The following SGCG variants were observed in gnomAD, a reference collection of about 807,000 sequenced individuals.
The protein encoded by SGCG is sarcoglycan gamma.
In SGCG, 26 loss-of-function variants were observed where a neutral mutation model predicts 29.3. The ratio of observed to expected loss-of-function variants is 0.89; its 90% CI spans 0.65 to 1.23. SGCG has a LOEUF of 1.23. SGCG is among the 50% of genes most tolerant of loss of function. SGCG has a pLI of 0.00. For missense variants in SGCG, 353 were observed against 356.0 expected (o/e 0.99, Z 0.07); for synonymous variants, 145 against 129.7 (o/e 1.12, Z -0.80).
intron 4 of SGCG, among the ~76,000 whole-genome samples, chr13:23,262,830 A>C (rs1880496448): frequency 6.6e-6 from 1 of 152,062 alleles, no homozygotes; most frequent in Non-Finnish European, 1.5e-5. Context: ...GCAAAATAAA[A>C]CTGGAGATAA....
chr13:23,161,137 C>A, the SGCG span, among the ~76,000 whole-genome samples: 1 of 152,168 alleles, frequency 6.6e-6, no homozygotes, highest in Admixed American at 6.5e-5. Context: ...TAGAGGGGAA[C>A]TGAAGCGCAG....
rs532172508 is a variant in SGCG at position 23,286,066 on chromosome 13, A to G, written c.505+6588A>G. Among the ~76,000 whole-genome samples the G allele has an allele frequency of 7.2e-5, 11 of 152,320 alleles. No homozygotes were observed. The South Asian group carries it at 2.3e-3, about 32-fold the overall frequency. On this transcript the variant is annotated intron_variant, in intron 5 of 7. Transcript: ENST00000218867. Reference sequence around the variant, plus strand: ...GCTGTTCCTGTTTGGCCATCTTGCCAGACACCACCAACCAACAATGGGTAA... The same window carrying G: ...GCTGTTCCTGTTTGGCCATCTTGCCGGACACCACCAACCAACAATGGGTAA...
chr13:23,322,029 T>A (rs1243981417), intron 7 of SGCG, among the ~76,000 whole-genome samples: 1 of 152,246 alleles, frequency 6.6e-6, no homozygotes, highest in East Asian at 1.9e-4. Flanking sequence ...AATTGTATGA[T>A]GCCATATTTA....
intron 6 of SGCG, among the ~76,000 whole-genome samples, chr13:23,319,299 C>CAA (rs5802229): frequency 9.1e-4 from 121 of 132,742 alleles, no homozygotes; most frequent in East Asian, 6.0e-3. Flanking sequence ...GACTCCGTCT[C>CAA]AAAAAAAAAA....
chr13:23,214,261 G>A (rs916410175), intron 2 of SGCG, among the ~76,000 whole-genome samples: 1 of 152,094 alleles, frequency 6.6e-6, no homozygotes, highest in African/African-American at 2.4e-5. Flanking sequence ...AAAACCCCTA[G>A]TTTTAGTTGA....
chr13:23,198,015 A>G (rs2137491520), intron 1 of SGCG, among the ~76,000 whole-genome samples: 1 of 152,380 alleles, frequency 6.6e-6, no homozygotes. Context: ...TGTTGAAAGC[A>G]AAGTGGTGGA....
chr13:23,210,138 T>G (rs1252834630), intron 2 of SGCG, among the ~76,000 whole-genome samples: 1 of 152,244 alleles, frequency 6.6e-6, no homozygotes, highest in African/African-American at 2.4e-5. Flanking sequence ...TAGCCTAATC[T>G]AATCATGTAT....
rs181743358 is a variant in SGCG at position 23,261,726 on chromosome 13, G to A, written c.385+11009G>A. ...AGTCATCAAGCTATCTGAAGTCAAT[G>A]TGAAGGAAAACATTCTAAGTGCAGT... On this transcript the variant is annotated intron_variant, in intron 4 of 7. Transcript: ENST00000218867. Among the ~76,000 whole-genome samples, 888 of 152,012 alleles carry A rather than the reference G, an allele frequency of 5.8e-3. 11 individuals carry two copies. The highest frequency in any genetic ancestry group is 0.02 in the African/African-American group (837 of 41,540).
In SGCG at chr13:23,266,271, C is replaced by CA. The variant is rs56910680; in HGVS notation, c.386-13075dup. On this transcript the variant is annotated intron_variant, in intron 4 of 7. Coordinates refer to ENST00000218867, the MANE Select transcript of SGCG (RefSeq NM_000231.3). ...TGGGCAACAGAGCAAGACTCTGTCT[C>CA]AAAAAAAAAAAAAGTGCTATATCAC... 1.2e-3 allele frequency among the ~76,000 whole-genome samples: 154 copies of CA among 126,014 alleles called. 1 individual carries two copies. Among genetic ancestry groups the CA allele is most frequent in the East Asian group, 6.1e-3 (26 of 4,266 alleles). 82.7% of individuals were successfully genotyped at this position (126,014 alleles called of 152,430 possible). A position where few individuals can be genotyped will look rare whatever the true frequency, so the allele number is the denominator to read the frequency against.
chr13:23,279,356 C>T lies in SGCG; in HGVS notation c.386-3C>T. 6.2e-7 allele frequency: 1 copy of T among 1,612,244 alleles called. No individual in the cohort carries two copies. Among genetic ancestry groups the T allele is most frequent in the Non-Finnish European group, 8.5e-7 (1 of 1,178,844 alleles). On this transcript the variant is annotated splice_region_variant and splice_polypyrimidine_tract_variant and intron_variant, in intron 4 of 7. Transcript: ENST00000218867. ...TTTATAATAAACTGTTTTAATTCTT[C>T]AGGTCCCAAAATGGTAGAAGTCCAG...
intron 2 of SGCG, among the ~76,000 whole-genome samples, chr13:23,205,296 C>T (rs1877943563): frequency 6.6e-6 from 1 of 152,098 alleles, no homozygotes; most frequent in Non-Finnish European, 1.5e-5. Context: ...ATGTAAAATA[C>T]TCTAACATTT....
intron 5 of SGCG, among the ~76,000 whole-genome samples, chr13:23,282,802 G>A (rs1356281321): frequency 6.6e-6 from 1 of 152,168 alleles, no homozygotes; most frequent in Non-Finnish European, 1.5e-5. Context: ...TGTTTTTGGT[G>A]GAGGTTGGGG....
At chr13:23,162,527 G>C in the SGCG span, among the ~76,000 whole-genome samples, 1,485 of 152,336 alleles carry the variant, frequency 9.7e-3, 9 homozygotes, top group Non-Finnish European at 0.015. Context: ...TCCGGAGGCT[G>C]AGGCAGAAGA....
the SGCG span, among the ~76,000 whole-genome samples, chr13:23,172,565 T>A: frequency 1.3e-5 from 2 of 152,248 alleles, no homozygotes; most frequent in East Asian, 3.8e-4. Context: ...ATTGTATTGC[T>A]AACCATATTA....
chr13:23,316,221 T>G (rs1882804077), intron 6 of SGCG, among the ~76,000 whole-genome samples: 3 of 152,188 alleles, frequency 2.0e-5, no homozygotes, highest in Non-Finnish European at 2.9e-5. Context: ...TCTTCCATCA[T>G]GGGAAGGGCA....
intron 6 of SGCG, among the ~76,000 whole-genome samples, chr13:23,298,046 A>G (rs1434396982): frequency 6.6e-6 from 1 of 150,948 alleles, no homozygotes; most frequent in Non-Finnish European, 1.5e-5. Context: ...CGGCCAGCCA[A>G]CAATCACTTT....
At chr13:23,274,491 C>T (rs763545383) in intron 4 of SGCG, among the ~76,000 whole-genome samples, 18 of 149,860 alleles carry the variant, frequency 1.2e-4, no homozygotes, top group Non-Finnish European at 2.5e-4. Context: ...CAAGCTCCAC[C>T]CCCCAGGTGC....
At chr13:23,251,003 G>A (rs1373466651) in intron 4 of SGCG, among the ~76,000 whole-genome samples, 4 of 152,162 alleles carry the variant, frequency 2.6e-5, no homozygotes, top group Non-Finnish European at 5.9e-5. Context: ...AAAGACTCTT[G>A]CAGCAACCAA....
In SGCG at chr13:23,265,208, A is replaced by T. The variant is rs529183535; in HGVS notation, c.386-14151A>T. Among the ~76,000 whole-genome samples, 5 of 152,298 alleles carry T rather than the reference A, an allele frequency of 3.3e-5. No homozygotes were observed. In the South Asian group the frequency reaches 6.2e-4, roughly 19 times the overall value. On this transcript the variant is annotated intron_variant, in intron 4 of 7. Coordinates refer to ENST00000218867, the MANE Select transcript of SGCG (RefSeq NM_000231.3). The stretch of plus-strand genomic sequence containing the variant: ...ATCTAACTTGGGAAAAAAGATTTTT[A>T]AAAAAGTTAATATCTGGAATCTACG...
Sources: allele counts gnomAD v4.1 joint callset (sites outside exome capture counted in the v4.1 genomes callset), GRCh38; gene constraint gnomAD v4.1.1; transcripts MANE v1.5; gene names NCBI Gene and HGNC (gene_info 2026-07-23, HGNC 2026-07-21).